ST6GAL1: variants seen among roughly 807,000 people sequenced by gnomAD.
ST6GAL1 encodes the protein beta-galactoside alpha-2,6-sialyltransferase 1.
ST6GAL1 carries 20 observed loss-of-function variants against 38.0 expected under a neutral mutation model. That is an observed-to-expected ratio of 0.53 (90% CI 0.37 to 0.77). The LOEUF is 0.77. ST6GAL1 is among the 30% of genes least tolerant of loss of function. The probability of loss-of-function intolerance (pLI) is 0.00; values close to 1 mark genes in which losing one functional copy is unlikely to be tolerated. For synonymous variants in ST6GAL1, 196 were observed against 188.2 expected (o/e 1.04, Z -0.34); for missense variants, 432 against 496.4 (o/e 0.87, Z 1.23).
At chr3:187,038,071 C>T (rs1435379548) in intron 2 of ST6GAL1, among the ~76,000 whole-genome samples, 1 of 151,854 alleles carries the variant, frequency 6.6e-6, no homozygotes, top group African/African-American at 2.4e-5. Flanking sequence ...AAGTTTATTT[C>T]AGGATGGACC....
intron 4 of ST6GAL1, among the ~76,000 whole-genome samples, chr3:187,047,240 C>A (rs374116806): frequency 6.8e-6 from 1 of 147,182 alleles, no homozygotes; most frequent in Non-Finnish European, 1.5e-5. Flanking sequence ...CCACCGCGCC[C>A]GGCCAAGTCA....
At chr3:187,024,353 A>C (rs60163790) in intron 2 of ST6GAL1, among the ~76,000 whole-genome samples, 1 of 151,426 alleles carries the variant, frequency 6.6e-6, no homozygotes, top group Non-Finnish European at 1.5e-5. Flanking sequence ...TCGGCCTCCC[A>C]AAGTGCTGGG....
chr3:187,040,468 GA>G (rs1488546082), intron 3 of ST6GAL1, among the ~76,000 whole-genome samples: 1 of 152,216 alleles, frequency 6.6e-6, no homozygotes, highest in African/African-American at 2.4e-5. Flanking sequence ...ACCTGGGCTG[GA>G]ATTCTGGTTC....
intron 2 of ST6GAL1, among the ~76,000 whole-genome samples, chr3:186,998,243 A>G (rs1024543834): frequency 2.6e-5 from 4 of 152,234 alleles, no homozygotes; most frequent in African/African-American, 9.6e-5. Flanking sequence ...AATAAGAAAA[A>G]GAAAGAAAAT....
chr3:186,939,286 C>T (rs571477913), intron 1 of ST6GAL1, among the ~76,000 whole-genome samples: 2 of 151,790 alleles, frequency 1.3e-5, no homozygotes, highest in Non-Finnish European at 2.9e-5. Flanking sequence ...CCGTGTTGCC[C>T]AGGCTTGAAC....
At chr3:187,074,658 G>A (rs1719500967) in intron 7 of ST6GAL1, among the ~76,000 whole-genome samples, 1 of 152,122 alleles carries the variant, frequency 6.6e-6, no homozygotes, top group South Asian at 2.1e-4. Flanking sequence ...CATGGAGGAA[G>A]TAGTGTTCGG....
At chr3:186,933,376 T>C (rs1713828952) in intron 1 of ST6GAL1, among the ~76,000 whole-genome samples, 1 of 152,162 alleles carries the variant, frequency 6.6e-6, no homozygotes, top group African/African-American at 2.4e-5. Context: ...ATAAAATTCT[T>C]ATCTGCCTTC....
intron 3 of ST6GAL1, among the ~76,000 whole-genome samples, chr3:187,040,540 T>G (rs1344293331): frequency 6.6e-6 from 1 of 152,258 alleles, no homozygotes; most frequent in Non-Finnish European, 1.5e-5. Context: ...CTCAGTTTTT[T>G]CCATTTCCTA....
rs545873783 is a variant in ST6GAL1 at position 187,064,677 on chromosome 3, C to T, written c.706-8172C>T. ...ACACTAAGTATCTGGCTGTTCCTTT[C>T]GTACTCGAGTCCTGGCCGCTCCATG... is the stretch of plus-strand genomic sequence containing the variant. On this transcript the variant is annotated intron_variant, in intron 5 of 7. Coordinates refer to ENST00000169298, the MANE Select transcript of ST6GAL1 (RefSeq NM_173216.2). 2.4e-5 allele frequency: 11 copies of T among 454,156 alleles called. No individual in the cohort carries two copies. The East Asian group carries it at 3.5e-4, about 14-fold the overall frequency. The allele number at this position is 454,156 out of a possible 1,614,324, so 28.1% of individuals were successfully genotyped here. A position where few individuals can be genotyped will look rare whatever the true frequency, so the allele number is the denominator to read the frequency against.
chr3:186,954,099 G>T (rs543765717), intron 1 of ST6GAL1, among the ~76,000 whole-genome samples: 17 of 152,202 alleles, frequency 1.1e-4, no homozygotes, highest in Admixed American at 1.0e-3. Flanking sequence ...TTCTCTTCCT[G>T]TGTTAGTTTG....
At chr3:187,052,921 A>G (rs1353785684) in intron 5 of ST6GAL1, among the ~76,000 whole-genome samples, 1 of 152,228 alleles carries the variant, frequency 6.6e-6, no homozygotes, top group Non-Finnish European at 1.5e-5. Flanking sequence ...CCCACAGTGT[A>G]AAAGCATTCC....
intron 2 of ST6GAL1, among the ~76,000 whole-genome samples, chr3:186,984,801 T>G (rs1359275238): frequency 3.3e-5 from 1 of 30,734 alleles, no homozygotes; most frequent in Non-Finnish European, 6.8e-5. Flanking sequence ...CCTTCCTTCC[T>G]TCCATCCTTC....
chr3:186,967,772 C>T (rs1579279753), intron 2 of ST6GAL1, among the ~76,000 whole-genome samples: 1 of 152,140 alleles, frequency 6.6e-6, no homozygotes, highest in East Asian at 1.9e-4. Flanking sequence ...AAATGGAGGC[C>T]CAGAAAGGGG....
chr3:187,042,251 C>T lies in ST6GAL1; in HGVS notation c.-50-403C>T, dbSNP rs567785470. The stretch of plus-strand genomic sequence containing the variant: ...TTCAAGCATGCATGGCTTCATTTAA[C>T]AAATGTTACAAGGCCCTAGGAACTG... On this transcript the variant is annotated intron_variant, in intron 3 of 7. Coordinates refer to ENST00000169298, the MANE Select transcript of ST6GAL1 (RefSeq NM_173216.2). 2.0e-5 allele frequency among the ~76,000 whole-genome samples: 3 copies of T among 151,400 alleles called. No individual in the cohort carries two copies. The East Asian group carries it at 5.8e-4, about 29-fold the overall frequency.
chr3:186,984,753 TCCCTCCC>T (rs1560150888), intron 2 of ST6GAL1, among the ~76,000 whole-genome samples: 1 of 33,700 alleles, frequency 3.0e-5, no homozygotes, highest in Admixed American at 3.1e-4. Context: ...CCTCCCTCCC[TCCCTCCC>T]TCCCTCCTTC....
rs1024793397 is a variant in ST6GAL1, at chr3:187,055,853, G to T, written c.705+4507G>T. Among the ~76,000 whole-genome samples, 6 of 152,024 alleles carry T rather than the reference G, an allele frequency of 3.9e-5. No homozygotes were observed. In the South Asian group the frequency reaches 1.2e-3, roughly 32 times the overall value. ...GGTGCAGAGCTGAGTTCAAGTCCTG[G>T]ATATCCTTGTTAAGTTTCTGTCTCG... is the stretch of plus-strand genomic sequence containing the variant. On this transcript the variant is annotated intron_variant, in intron 5 of 7. Coordinates refer to ENST00000169298, the MANE Select transcript of ST6GAL1 (RefSeq NM_173216.2).
chr3:187,033,738 G>A (rs946902235), intron 2 of ST6GAL1, among the ~76,000 whole-genome samples: 68 of 152,120 alleles, frequency 4.5e-4, no homozygotes, highest in African/African-American at 1.6e-3. Context: ...AAATAAGCTC[G>A]ACATTAAAAA....
chr3:186,969,988 G>A (rs1715291411), intron 2 of ST6GAL1, among the ~76,000 whole-genome samples: 1 of 152,082 alleles, frequency 6.6e-6, no homozygotes, highest in South Asian at 2.1e-4. Context: ...TTTTTATTTG[G>A]AAACGATTGT....
At chr3:187,041,074 C>T (rs1718109383) in intron 3 of ST6GAL1, among the ~76,000 whole-genome samples, 2 of 151,388 alleles carry the variant, frequency 1.3e-5, no homozygotes, top group South Asian at 4.1e-4. Context: ...AGCTGCTGCT[C>T]TCCTGTCTCT....
Sources: gnomAD v4.1 joint callset for allele counts (sites outside exome capture counted in the v4.1 genomes callset) on GRCh38, gnomAD v4.1.1 for gene constraint, MANE v1.5 for transcripts, NCBI Gene and HGNC (gene_info 2026-07-23, HGNC 2026-07-21) for gene names.